PRKD3: variants seen among roughly 807,000 people sequenced by gnomAD.
The protein encoded by PRKD3 is serine/threonine-protein kinase D3.
In PRKD3, 47 loss-of-function variants were observed where a neutral mutation model predicts 99.2. The ratio of observed to expected loss-of-function variants is 0.47; its 90% confidence interval spans 0.38 to 0.60. The LOEUF (loss-of-function observed/expected upper bound fraction) is 0.60, where lower values mean the gene tolerates loss of function less well. PRKD3 is among the 20% of genes least tolerant of loss of function. PRKD3 has a pLI of 0.00. For missense variants in PRKD3, 1,019 were observed against 1,088.4 expected (o/e 0.94, Z 0.90); for synonymous variants, 392 against 355.4 (o/e 1.10, Z -1.16).
At chr2:37,299,681 T>C (rs1558568501) in intron 2 of PRKD3, among the ~76,000 whole-genome samples, 1 of 151,634 alleles carries the variant, frequency 6.6e-6, no homozygotes. Context: ...CTCAAATGAC[T>C]CAACAACAAC....
At chr2:37,255,619 G>A (rs963375651) in intron 17 of PRKD3, among the ~76,000 whole-genome samples, 2 of 152,164 alleles carry the variant, frequency 1.3e-5, no homozygotes, top group African/African-American at 4.8e-5. Context: ...GTTCATTCTA[G>A]GTATAAGGAA....
intron 1 of PRKD3, among the ~76,000 whole-genome samples, chr2:37,320,543 T>G (rs1671840554): frequency 6.6e-6 from 1 of 151,092 alleles, no homozygotes; most frequent in African/African-American, 2.4e-5. Flanking sequence ...GCGATTCTTG[T>G]GCCTCAGCCG....
intron 2 of PRKD3, among the ~76,000 whole-genome samples, chr2:37,293,938 T>C (rs1466833873): frequency 6.6e-6 from 1 of 152,210 alleles, no homozygotes; most frequent in African/African-American, 2.4e-5. Flanking sequence ...CTGTTTGCTT[T>C]GCCAAATGGA....
intron 1 of PRKD3, among the ~76,000 whole-genome samples, chr2:37,322,681 A>T (rs1264716153): frequency 6.6e-6 from 1 of 152,052 alleles, no homozygotes; most frequent in Non-Finnish European, 1.5e-5. Flanking sequence ...AAATGGAAAA[A>T]TTTTTTTTCC....
At chr2:37,313,050 C>T (rs1205806314) in intron 2 of PRKD3, among the ~76,000 whole-genome samples, 1 of 152,064 alleles carries the variant, frequency 6.6e-6, no homozygotes, top group Non-Finnish European at 1.5e-5. Context: ...TTATAAAGTG[C>T]TATGATATTG....
intron 2 of PRKD3, among the ~76,000 whole-genome samples, chr2:37,301,941 T>A (rs942113509): frequency 3.9e-5 from 6 of 152,314 alleles, no homozygotes; most frequent in African/African-American, 1.2e-4. Context: ...CTAGTGGCAT[T>A]CAGTGGGTAG....
intron 13 of PRKD3, 134 bp downstream of exon 13, chr2:37,269,481 G>GA: frequency 1.4e-6 from 1 of 711,426 alleles, no homozygotes; most frequent in Non-Finnish European, 2.5e-6. Context: ...GGATTTAGCT[G>GA]AAAGATAACA....
At chr2:37,273,498 G>GT (rs1669411274) in intron 11 of PRKD3, among the ~76,000 whole-genome samples, 1 of 151,882 alleles carries the variant, frequency 6.6e-6, no homozygotes, top group South Asian at 2.1e-4. Context: ...ATGAAGTCTT[G>GT]TTTACTCTTC....
Position 37,274,634 on chromosome 2 carries a change from CTTGTGAAATGT to C in PRKD3, c.1427_1437del (p.Asn476ArgfsTer8). The C allele has an allele frequency of 6.2e-7, 1 of 1,613,978 alleles. No individual in the cohort carries two copies. Among genetic ancestry groups the C allele is most frequent in the Non-Finnish European group, 8.5e-7 (1 of 1,179,906 alleles). On this transcript the variant is annotated frameshift_variant, in exon 11 of 19. Transcript: ENST00000234179. LOFTEE classifies it high-confidence loss of function. Reference sequence around the variant, plus strand: ...ATTTCAAAACAGTGTGGATTGCTGCCTTGTGAAATGTTTGTGAAATCTCGTGGTGAAGATAT... The same window carrying C: ...ATTTCAAAACAGTGTGGATTGCTGCCTTGTGAAATCTCGTGGTGAAGATAT...
At chr2:37,298,793 T>G (rs1014830543) in intron 2 of PRKD3, among the ~76,000 whole-genome samples, 3 of 152,236 alleles carry the variant, frequency 2.0e-5, no homozygotes, top group Non-Finnish European at 2.9e-5. Flanking sequence ...CATCTTTACT[T>G]AATTCATTTA....
intron 12 of PRKD3, 152 bp downstream of exon 12, chr2:37,272,228 T>G: frequency 8.7e-7 from 1 of 1,152,376 alleles, no homozygotes; most frequent in South Asian, 1.7e-5. Context: ...CCTAGTTTCC[T>G]CTATAAAGCA....
chr2:37,280,600 T>C (rs1669809913), intron 7 of PRKD3, among the ~76,000 whole-genome samples: 1 of 152,108 alleles, frequency 6.6e-6, no homozygotes, highest in South Asian at 2.1e-4. Context: ...ATATAAATCA[T>C]ATATAAAAAT....
intron 2 of PRKD3, among the ~76,000 whole-genome samples, chr2:37,298,807 G>T (rs1311914155): frequency 6.6e-6 from 1 of 152,080 alleles, no homozygotes; most frequent in African/African-American, 2.4e-5. Context: ...TCATTTATCA[G>T]TTCTAATGGT....
intron 2 of PRKD3, among the ~76,000 whole-genome samples, chr2:37,297,513 T>C (rs946179627): frequency 1.3e-5 from 2 of 152,164 alleles, no homozygotes; most frequent in Admixed American, 1.3e-4. Flanking sequence ...AGGCTCATAC[T>C]TTATTCAGAT....
intron 1 of PRKD3, among the ~76,000 whole-genome samples, chr2:37,318,189 A>G (rs1333405115): frequency 6.6e-6 from 1 of 152,188 alleles, no homozygotes; most frequent in Non-Finnish European, 1.5e-5. Context: ...AAAGCACACA[A>G]CTATAGTATT....
intron 17 of PRKD3, among the ~76,000 whole-genome samples, chr2:37,256,127 G>A (rs528023294): frequency 3.9e-5 from 6 of 152,304 alleles, no homozygotes; most frequent in African/African-American, 1.2e-4. Context: ...AGGGGTCCTC[G>A]AATTTTAATA....
At chr2:37,295,299 A>G (rs1488184450) in intron 2 of PRKD3, among the ~76,000 whole-genome samples, 2 of 152,204 alleles carry the variant, frequency 1.3e-5, no homozygotes, top group African/African-American at 2.4e-5. Flanking sequence ...ATAAAAAATT[A>G]TAGAAGGAGG....
At chr2:37,269,764 A>G in intron 12 of PRKD3, 77 bp from the exon 13 acceptor site, 1 of 963,690 alleles carries the variant, frequency 1.0e-6, no homozygotes, top group Admixed American at 2.3e-5. Context: ...TCTTCATCCA[A>G]ATACTTCAAT....
intron 11 of PRKD3, among the ~76,000 whole-genome samples, chr2:37,273,095 A>G (rs910435561): frequency 1.3e-5 from 2 of 152,138 alleles, no homozygotes; most frequent in Non-Finnish European, 2.9e-5. Context: ...GTTGGGGGAC[A>G]AAGAGTTTTT....
Sources: allele counts gnomAD v4.1 joint callset (sites outside exome capture counted in the v4.1 genomes callset), GRCh38; gene constraint gnomAD v4.1.1; transcripts MANE v1.5; gene names NCBI Gene and HGNC (gene_info 2026-07-23, HGNC 2026-07-21).